CLCN7: variants seen among roughly 807,000 people sequenced by gnomAD.
The protein encoded by CLCN7 is H(+)/Cl(-) exchange transporter 7.
In CLCN7, 60 loss-of-function variants were observed where a neutral mutation model predicts 102.1. The observed-to-expected ratio is 0.59, with a 90% CI of 0.48 to 0.73. The LOEUF is 0.73. CLCN7 is among the 30% of genes least tolerant of loss of function. The pLI is 0.00. For missense variants in CLCN7, 962 were observed against 1,125.7 expected (o/e 0.85, Z 2.08); for synonymous variants, 560 against 490.5 (o/e 1.14, Z -1.87).
chr16:1,447,577 G>C lies in CLCN7; in HGVS notation c.2074-9C>G. 1 of 1,553,792 alleles carries C rather than the reference G, an allele frequency of 6.4e-7. No individual in the cohort carries two copies. Among genetic ancestry groups the C allele is most frequent in the Non-Finnish European group, 8.7e-7 (1 of 1,148,926 alleles). On this transcript the variant is annotated splice_polypyrimidine_tract_variant and intron_variant, in intron 22 of 24. Transcript: ENST00000382745. ...GACCGCTCCACAAACACCTGCGGGC[G>C]GCAGAGCCCTGTGTCAGGCACCCAG...
intron 1 of CLCN7, among the ~76,000 whole-genome samples, chr16:1,465,609 C>T (rs143165414): frequency 3.3e-5 from 5 of 152,268 alleles, no homozygotes; most frequent in Admixed American, 6.5e-5. Context: ...AGACTGAAAG[C>T]GAGGCACCTG....
rs2038665931 is a variant in CLCN7 at position 1,447,384 on chromosome 16, G to GCACATGCC, written c.2250_2250+7dup. ...GGCCCCACGCCCATGCCCATGCCCT[G>GCACATGCC]CACATGCCTGGGGCACCGTGTAGGG... is the stretch of plus-strand genomic sequence containing the variant. On this transcript the variant is annotated splice_region_variant and intron_variant, in intron 23 of 24. Coordinates refer to ENST00000382745, the MANE Select transcript of CLCN7 (RefSeq NM_001287.6). The GCACATGCC allele has an allele frequency of 6.5e-7, 1 of 1,546,520 alleles. No individual in the cohort carries two copies. Among genetic ancestry groups the GCACATGCC allele is most frequent in the East Asian group, 2.4e-5 (1 of 40,870 alleles).
At chr16:1,471,971 C>CT (rs1411760603) in intron 1 of CLCN7, 3 of 152,530 alleles carry the variant, frequency 2.0e-5, no homozygotes, top group Non-Finnish European at 4.4e-5. Context: ...TCCCTCTGTC[C>CT]TTTCCCCCCG....
In CLCN7 at chr16:1,449,338, TG is replaced by T. The variant is rs2038705413; in HGVS notation, c.1618-12del. The T allele has an allele frequency of 8.9e-6, 14 of 1,579,202 alleles. No homozygotes were observed. The East Asian group carries it at 3.3e-4, about 37-fold the overall frequency. On this transcript the variant is annotated splice_polypyrimidine_tract_variant and intron_variant, in intron 17 of 24. Transcript: ENST00000382745. The stretch of plus-strand genomic sequence containing the variant: ...GGGGTCCGCCCAGATCTGTGGGAGG[TG>T]ACACGGAGGAGGTGTCAGTGTGGTG...
chr16:1,455,259 G>A lies in CLCN7; in HGVS notation c.982-9C>T, dbSNP rs776989798. On this transcript the variant is annotated splice_polypyrimidine_tract_variant and intron_variant, in intron 11 of 24. Coordinates refer to ENST00000382745, the MANE Select transcript of CLCN7 (RefSeq NM_001287.6). ...ATCATGGAAGCAAAGAACTGCGGCA[G>A]AGGGCAGGAAACCAGCGCCCTCAGA... is the stretch of plus-strand genomic sequence containing the variant. 2.5e-6 allele frequency: 4 copies of A among 1,572,096 alleles called. No individual in the cohort carries two copies. The highest frequency in any genetic ancestry group is 3.3e-5 in the Admixed American group (2 of 59,952).
rs757310326 is a variant in CLCN7, at chr16:1,460,863, A to G, written c.437T>C (p.Ile146Thr). 6 of 1,613,888 alleles carry G rather than the reference A, an allele frequency of 3.7e-6. No homozygotes were observed. Among genetic ancestry groups the G allele is most frequent in the Non-Finnish European group, 4.2e-6 (5 of 1,179,952 alleles). The change falls in exon 5 of 25, where the codon ATC (isoleucine) becomes ACC (threonine). Residue 146 changes from isoleucine to threonine, a missense_variant. By Grantham distance (89) the Ile-to-Thr change is moderately conservative. This residue lies in a region of CLCN7 where 799 missense variants were observed against 988.0 expected (regional missense o/e 0.81). Coordinates refer to ENST00000382745, the MANE Select transcript of CLCN7 (RefSeq NM_001287.6). Reference protein sequence around the residue: ...LTGLVACFIDIVVENLAGLKY... With the variant: ...LTGLVACFIDTVVENLAGLKY... Reference sequence around the variant, plus strand: ...GAGGCCAGCCAGGTTTTCCACCACGATGTCAATGAAGCAGGCCACGAGGCC... The same window carrying G: ...GAGGCCAGCCAGGTTTTCCACCACGGTGTCAATGAAGCAGGCCACGAGGCC...
intron 1 of CLCN7, 56 bp downstream of exon 1, chr16:1,474,778 G>GCGC: frequency 8.1e-6 from 10 of 1,227,878 alleles, no homozygotes; most frequent in Non-Finnish European, 1.0e-5. Context: ...ACGAGGGCGC[G>GCGC]GGCTGCGGGG....
chr16:1,450,796 C>A lies in CLCN7; in HGVS notation c.1448-130G>T, dbSNP rs144249129. 2.8e-3 allele frequency: 2,192 copies of A among 785,888 alleles called. 111 individuals carry two copies. Among genetic ancestry groups the A allele is most frequent in the Non-Finnish European group, 3.6e-3 (1,860 of 513,462 alleles). 48.7% of individuals were successfully genotyped at this position (785,888 alleles called of 1,614,324 possible). ...CAGCAACCTGAGCTCCCGAGCCCAG[C>A]GGTCCCCAGAAGGCTCCCTGTTCTC... On this transcript the variant is annotated intron_variant, in intron 16 of 24. Coordinates refer to ENST00000382745, the MANE Select transcript of CLCN7 (RefSeq NM_001287.6).
In CLCN7 at chr16:1,444,971, T is replaced by C. The variant is rs2142360918; in HGVS notation, c.*1660A>G. The C allele has an allele frequency of 6.6e-6, 1 of 152,668 alleles. No individual in the cohort carries two copies. The highest frequency in any genetic ancestry group is 2.4e-5 in the African/African-American group (1 of 41,550). 9.5% of individuals were successfully genotyped at this position (152,668 alleles called of 1,614,324 possible). ...CGCTGATTTTATTTAACCGAATATATCCAAAATATGATCACTTCCAGGTCC... is the reference window on the plus strand; with the variant it reads ...CGCTGATTTTATTTAACCGAATATACCCAAAATATGATCACTTCCAGGTCC... On this transcript the variant is annotated 3_prime_UTR_variant, in exon 25 of 25. Coordinates refer to ENST00000382745, the MANE Select transcript of CLCN7 (RefSeq NM_001287.6).
intron 2 of CLCN7, among the ~76,000 whole-genome samples, chr16:1,463,809 C>T (rs568989718): frequency 1.3e-5 from 2 of 151,998 alleles, no homozygotes; most frequent in South Asian, 2.1e-4. Context: ...GGATCTCACT[C>T]TGTCACCCAG....
chr16:1,462,675 A>ACAAC (rs1272258370), intron 2 of CLCN7, among the ~76,000 whole-genome samples: 1 of 137,204 alleles, frequency 7.3e-6, no homozygotes, highest in Admixed American at 7.2e-5. Context: ...CAAAAAAAAA[A>ACAAC]AAAAAAAAAA....
intron 1 of CLCN7, among the ~76,000 whole-genome samples, chr16:1,468,728 T>C (rs1005199602): frequency 4.6e-5 from 7 of 151,578 alleles, no homozygotes; most frequent in African/African-American, 1.5e-4. Context: ...GAAAATAGCC[T>C]GCACCCCCTT....
chr16:1,450,675 G>A lies in CLCN7; in HGVS notation c.1448-9C>T, dbSNP rs767439793. ...CAGGGGGTTGTAGGAGCCTAGGAGAGAAGAGGGGCTGACGGGGCCTCCACG... is the reference window on the plus strand; with the variant it reads ...CAGGGGGTTGTAGGAGCCTAGGAGAAAAGAGGGGCTGACGGGGCCTCCACG... On this transcript the variant is annotated splice_polypyrimidine_tract_variant and intron_variant, in intron 16 of 24. Coordinates refer to ENST00000382745, the MANE Select transcript of CLCN7 (RefSeq NM_001287.6). The A allele has an allele frequency of 2.5e-6, 4 of 1,599,596 alleles. No individual in the cohort carries two copies. The highest frequency in any genetic ancestry group is 2.6e-6 in the Non-Finnish European group (3 of 1,172,272).
rs751474383 is a variant in CLCN7, at chr16:1,450,463, A to T, written c.1617+34T>A. On this transcript the variant is annotated intron_variant, in intron 17 of 24. Transcript: ENST00000382745. ...ATGCCGCAAGACCTGGCTCAGCTGC[A>T]GGGCCCCACAGCCTCCCCTCCGGCC... The T allele has an allele frequency of 1.9e-6, 3 of 1,561,332 alleles. No homozygotes were observed. In the East Asian group the frequency reaches 7.0e-5, roughly 36 times the overall value.
intron 15 of CLCN7, chr16:1,452,225 C>A: frequency 4.2e-6 from 1 of 236,724 alleles, no homozygotes; most frequent in African/African-American, 2.2e-5. Context: ...TCCCATCCTG[C>A]CCACTCCCGC....
rs368745238 is a variant in CLCN7 at position 1,461,388 on chromosome 16, A to G, written c.351+17T>C. 3.9e-6 allele frequency: 6 copies of G among 1,547,648 alleles called. No homozygotes were observed. Among genetic ancestry groups the G allele is most frequent in the Non-Finnish European group, 5.2e-6 (6 of 1,146,170 alleles). On this transcript the variant is annotated intron_variant, in intron 4 of 24. Coordinates refer to ENST00000382745, the MANE Select transcript of CLCN7 (RefSeq NM_001287.6). ...CCCCGCACCGTGGGGCCCTGCAGGG[A>G]GCGGCGTCCAGCTCACCGTGTGATT...
intron 7 of CLCN7, among the ~76,000 whole-genome samples, chr16:1,458,572 G>A (rs1159563711): frequency 6.6e-6 from 1 of 152,220 alleles, no homozygotes; most frequent in South Asian, 2.1e-4. Context: ...AGCACCCCCA[G>A]GGGGCAGCGG....
chr16:1,451,591 A>C, intron 16 of CLCN7, 32 bp downstream of exon 16: 2 of 1,589,752 alleles, frequency 1.3e-6, no homozygotes, highest in Non-Finnish European at 1.7e-6. Context: ...CCCTGATCCC[A>C]GGGCCTGCCC....
chr16:1,460,227 C>G (rs148962419), intron 6 of CLCN7, among the ~76,000 whole-genome samples, 191 bp downstream of exon 6: 1 of 151,142 alleles, frequency 6.6e-6, no homozygotes, highest in African/African-American at 2.4e-5. Flanking sequence ...CCCCAGGGCT[C>G]TGGGGGTGAA....
Sources: gnomAD v4.1 joint callset for allele counts (sites outside exome capture counted in the v4.1 genomes callset) on GRCh38, gnomAD v4.1.1 for gene constraint, gnomAD v4.1.1 regional missense constraint, MANE v1.5 for transcripts, NCBI Gene and HGNC (gene_info 2026-07-23, HGNC 2026-07-21) for gene names.